CLVS1: variants seen among roughly 807,000 people sequenced by gnomAD.
The protein encoded by CLVS1 is clavesin 1, also known as clavesin-1.
A neutral mutation model predicts 33.1 loss-of-function variants in CLVS1; 10 were observed. That is an observed-to-expected ratio of 0.30 (90% CI 0.19 to 0.51). The LOEUF is 0.51. Among genes scored for constraint, CLVS1 ranks in the 20% least tolerant of loss-of-function variants. CLVS1 has a pLI of 0.97. For missense variants in CLVS1, 343 were observed against 433.4 expected (o/e 0.79, Z 1.85); for synonymous variants, 163 against 166.1 (o/e 0.98, Z 0.14).
intron 2 of CLVS1, among the ~76,000 whole-genome samples, chr8:61,181,487 A>G (rs1180552502): frequency 6.6e-6 from 1 of 152,168 alleles, no homozygotes; most frequent in East Asian, 1.9e-4. Context: ...ACTATTTTAA[A>G]TTTCATATAA....
rs150066709 is a variant in CLVS1 at position 61,211,992 on chromosome 8, C to T, written c.-152+80132C>T. ...AAAGGCAAGTGACAGATTTGGCCCTCGATCCTCTGGGGGGAGTATGGTTGT... is the reference window on the plus strand; with the variant it reads ...AAAGGCAAGTGACAGATTTGGCCCTTGATCCTCTGGGGGGAGTATGGTTGT... On this transcript the variant is annotated intron_variant, in intron 2 of 2. Transcript: ENST00000522621. Among the ~76,000 whole-genome samples, 560 of 152,294 alleles carry T rather than the reference C, an allele frequency of 3.7e-3. 4 individuals carry two copies. Among genetic ancestry groups the T allele is most frequent in the African/African-American group, 0.012 (512 of 41,558 alleles).
intron 1 of CLVS1, among the ~76,000 whole-genome samples, chr8:61,128,020 A>G (rs1283709551): frequency 1.3e-5 from 2 of 152,268 alleles, no homozygotes; most frequent in African/African-American, 4.8e-5. Flanking sequence ...CATAGTGGGT[A>G]AAAATGGTTA....
At chr8:61,292,087 C>A (rs377549625) in intron 1 of CLVS1, 37 of 288,692 alleles carry the variant, frequency 1.3e-4, no homozygotes, top group Middle Eastern at 1.3e-3. Flanking sequence ...GATGCATGGA[C>A]CACCCTTTGA....
chr8:61,227,133 ATGTT>A (rs1808349094), intron 2 of CLVS1, among the ~76,000 whole-genome samples: 8 of 152,100 alleles, frequency 5.3e-5, no homozygotes, highest in Admixed American at 5.2e-4. Flanking sequence ...TAGGTGGACA[ATGTT>A]TGCATGTGTC....
At chr8:61,260,856 G>A (rs1318918570) in intron 2 of CLVS1, among the ~76,000 whole-genome samples, 1 of 152,136 alleles carries the variant, frequency 6.6e-6, no homozygotes, top group Non-Finnish European at 1.5e-5. Flanking sequence ...ACCATGCTGA[G>A]GAAGTTGTAA....
the CLVS1 span, among the ~76,000 whole-genome samples, chr8:60,972,087 TG>T: frequency 0.015 from 2,334 of 152,262 alleles, 55 homozygotes; most frequent in African/African-American, 0.049. Flanking sequence ...GTCATTCTCA[TG>T]TCTGGTGTGC....
intron 2 of CLVS1, among the ~76,000 whole-genome samples, chr8:61,206,555 A>G (rs2978535): frequency 0.29 from 44,374 of 151,348 alleles, 6,769 homozygotes; most frequent in African/African-American, 0.35. Context: ...ACTGCCTTAC[A>G]GCATTTATCT....
intron 1 of CLVS1, among the ~76,000 whole-genome samples, chr8:61,098,387 C>A (rs977546057): frequency 1.3e-4 from 18 of 140,258 alleles, no homozygotes; most frequent in African/African-American, 4.9e-4. Flanking sequence ...ATTAAAATTC[C>A]CTTTTAGGGA....
intron 2 of CLVS1, among the ~76,000 whole-genome samples, chr8:61,349,488 T>C (rs1812360408): frequency 6.6e-6 from 1 of 152,068 alleles, no homozygotes; most frequent in Non-Finnish European, 1.5e-5. Flanking sequence ...AAACCTGTGC[T>C]TGGGGTGGTG....
intron 2 of CLVS1, among the ~76,000 whole-genome samples, chr8:61,186,050 TA>T (rs1254247320): frequency 1.3e-5 from 2 of 151,926 alleles, no homozygotes; most frequent in Non-Finnish European, 2.9e-5. Context: ...CTAACAGGGG[TA>T]GGGGAGGATG....
intron 3 of CLVS1, among the ~76,000 whole-genome samples, chr8:61,425,616 C>A (rs1815858982): frequency 6.6e-6 from 1 of 152,120 alleles, no homozygotes; most frequent in African/African-American, 2.4e-5. Flanking sequence ...CCAGTACTCC[C>A]CTCCCCTAGC....
chr8:61,255,685 G>A lies in CLVS1; in HGVS notation c.-151-43992G>A, dbSNP rs188173835. Among the ~76,000 whole-genome samples the A allele has an allele frequency of 3.9e-5, 6 of 152,266 alleles. No homozygotes were observed. The East Asian group carries it at 9.7e-4, about 25-fold the overall frequency. On this transcript the variant is annotated intron_variant, in intron 2 of 2. Transcript: ENST00000522621. ...CATCTTTTCAAGCAACACAATAGAG[G>A]AGGAAGAGAGGTCAAATAAATCTCT... is the stretch of plus-strand genomic sequence containing the variant.
chr8:60,966,807 A>G, the CLVS1 span, among the ~76,000 whole-genome samples: 2 of 152,222 alleles, frequency 1.3e-5, no homozygotes, highest in Non-Finnish European at 2.9e-5. Flanking sequence ...ACATACACAC[A>G]ATATTGTATT....
intron 1 of CLVS1, among the ~76,000 whole-genome samples, chr8:61,126,604 G>T (rs1805977173): frequency 6.6e-6 from 1 of 152,194 alleles, no homozygotes. Context: ...ATCAGTCTTT[G>T]CATTGTAAGA....
chr8:61,096,646 CCT>C (rs1346063129), intron 1 of CLVS1, among the ~76,000 whole-genome samples: 2 of 152,096 alleles, frequency 1.3e-5, no homozygotes, highest in Admixed American at 1.3e-4. Context: ...GTTTTTCCCC[CCT>C]CTTATACCAG....
chr8:61,292,682 G>A (rs927224332), intron 1 of CLVS1, among the ~76,000 whole-genome samples: 23 of 152,098 alleles, frequency 1.5e-4, no homozygotes, highest in African/African-American at 4.3e-4. Flanking sequence ...AATAGCCTAC[G>A]AAACATTCCA....
intron 2 of CLVS1, among the ~76,000 whole-genome samples, chr8:61,155,118 C>T (rs771746279): frequency 5.9e-5 from 9 of 152,164 alleles, no homozygotes; most frequent in Non-Finnish European, 1.0e-4. Context: ...TATAAAATTT[C>T]GAGCAAACTG....
intron 2 of CLVS1, among the ~76,000 whole-genome samples, chr8:61,345,855 TG>T (rs1219492088): frequency 1.3e-5 from 2 of 152,066 alleles, no homozygotes; most frequent in African/African-American, 2.4e-5. Context: ...ATCTTGTGGC[TG>T]GCAGGATCCC....
intron 1 of CLVS1, among the ~76,000 whole-genome samples, chr8:61,083,950 A>T (rs1421817542): frequency 1.3e-5 from 2 of 152,202 alleles, no homozygotes; most frequent in African/African-American, 4.8e-5. Flanking sequence ...TAATGATAAA[A>T]ATAACATCTT....
Sources: allele counts gnomAD v4.1 joint callset (sites outside exome capture counted in the v4.1 genomes callset), GRCh38; gene constraint gnomAD v4.1.1; transcripts MANE v1.5; gene names NCBI Gene and HGNC (gene_info 2026-07-23, HGNC 2026-07-21).